The following RIGI variants were observed in gnomAD, a reference collection of about 807,000 sequenced individuals.
RIGI encodes the protein RNA sensor RIG-I, also known as antiviral innate immune response receptor RIG-I.
At chr9:32,506,939 A>C in the RIGI span, among the ~76,000 whole-genome samples, 1 of 152,228 alleles carries the variant, frequency 6.6e-6, no homozygotes. Context: ...CTTAAAATAT[A>C]TAATATGTTG....
the RIGI span, among the ~76,000 whole-genome samples, chr9:32,511,418 A>T: frequency 6.6e-6 from 1 of 152,370 alleles, no homozygotes; most frequent in South Asian, 2.1e-4. Context: ...AGAACTGAGG[A>T]TTAAGAAACT....
the RIGI span, among the ~76,000 whole-genome samples, chr9:32,512,811 C>T: frequency 6.6e-6 from 1 of 151,988 alleles, no homozygotes; most frequent in Non-Finnish European, 1.5e-5. Flanking sequence ...GATTGTATAT[C>T]TAGAAAACCC....
At chr9:32,494,197 A>C in the RIGI span, among the ~76,000 whole-genome samples, 1 of 152,170 alleles carries the variant, frequency 6.6e-6, no homozygotes, top group African/African-American at 2.4e-5. Context: ...TTACATTTTG[A>C]TCTTAGTATA....
the RIGI span, among the ~76,000 whole-genome samples, chr9:32,525,493 A>T: frequency 1.9e-3 from 292 of 152,322 alleles, no homozygotes; most frequent in Non-Finnish European, 3.2e-3. Flanking sequence ...ACCCAGGATC[A>T]CCTGTCTCCG....
the RIGI span, among the ~76,000 whole-genome samples, chr9:32,470,021 T>C: frequency 6.6e-6 from 1 of 152,196 alleles, no homozygotes; most frequent in African/African-American, 2.4e-5. Context: ...GTCATGAAAA[T>C]TCAAATGCAG....
At chr9:32,491,439 G>T in the RIGI span, 2 of 1,577,886 alleles carry the variant, frequency 1.3e-6, no homozygotes, top group African/African-American at 1.4e-5. Context: ...GACCAAAAAA[G>T]TCTTAGAATC....
chr9:32,458,258 G>A, the RIGI span, among the ~76,000 whole-genome samples: 1 of 152,134 alleles, frequency 6.6e-6, no homozygotes, highest in Admixed American at 6.5e-5. Context: ...ATATAAGGCT[G>A]CAATAGAAGG....
the RIGI span, chr9:32,457,309 C>T: frequency 1.9e-6 from 3 of 1,614,084 alleles, no homozygotes; most frequent in Admixed American, 1.7e-5. Flanking sequence ...CTGTCGGGCA[C>T]AGAATATCTT....
chr9:32,511,468 G>T, the RIGI span, among the ~76,000 whole-genome samples: 1 of 152,122 alleles, frequency 6.6e-6, no homozygotes, highest in East Asian at 1.9e-4. Flanking sequence ...TGAACAACCT[G>T]CTCCTGAATG....
the RIGI span, among the ~76,000 whole-genome samples, chr9:32,461,152 T>C: frequency 2.0e-5 from 3 of 152,008 alleles, no homozygotes; most frequent in Non-Finnish European, 4.4e-5. Flanking sequence ...ACAATATTTT[T>C]TAAACGCTGA....
chr9:32,482,164 A>C, the RIGI span, among the ~76,000 whole-genome samples: 1,348 of 151,322 alleles, frequency 8.9e-3, 12 homozygotes, highest in Non-Finnish European at 0.015. Context: ...CTTGAGTTTT[A>C]AGCAGTGCAT....
At chr9:32,465,735 G>A in the RIGI span, among the ~76,000 whole-genome samples, 1 of 152,184 alleles carries the variant, frequency 6.6e-6, no homozygotes, top group South Asian at 2.1e-4. Context: ...CAGAGATTCT[G>A]AGATGAAAAT....
chr9:32,487,817 T>A, the RIGI span: 1 of 1,309,430 alleles, frequency 7.6e-7, no homozygotes, highest in South Asian at 1.4e-5. Flanking sequence ...GAAACAAAAT[T>A]CATAATGAGT....
chr9:32,515,317 CAAA>C, the RIGI span, among the ~76,000 whole-genome samples: 1 of 111,260 alleles, frequency 9.0e-6, no homozygotes, highest in Non-Finnish European at 1.8e-5. Context: ...GACTCTGTCT[CAAA>C]AAAAAAAAAA....
chr9:32,509,893 A>G, the RIGI span, among the ~76,000 whole-genome samples: 1 of 152,136 alleles, frequency 6.6e-6, no homozygotes, highest in East Asian at 1.9e-4. Context: ...AAGGACCTGA[A>G]TGACCTGATG....
chr9:32,488,905 A>T, the RIGI span: 1 of 1,582,516 alleles, frequency 6.3e-7, no homozygotes, highest in East Asian at 2.3e-5. Context: ...CATGTAAGGA[A>T]AAAAGAAAAC....
the RIGI span, among the ~76,000 whole-genome samples, chr9:32,503,186 C>G: frequency 1.3e-5 from 2 of 152,066 alleles, no homozygotes; most frequent in African/African-American, 4.8e-5. Flanking sequence ...TTTCAACATG[C>G]TAACAGCCAT....
the RIGI span, among the ~76,000 whole-genome samples, chr9:32,465,509 G>A: frequency 4.6e-5 from 7 of 152,156 alleles, no homozygotes; most frequent in Non-Finnish European, 8.8e-5. Context: ...TTTTATGCCA[G>A]GCGCTAAGAG....
At chr9:32,485,175 C>T in the RIGI span, 28 of 1,591,648 alleles carry the variant, frequency 1.8e-5, no homozygotes, top group African/African-American at 1.2e-4. Flanking sequence ...TTTATCTCAC[C>T]GAGGTCTTTG....
Sources: gnomAD v4.1 joint callset for allele counts (sites outside exome capture counted in the v4.1 genomes callset) on GRCh38, gnomAD v4.1.1 for gene constraint, MANE v1.5 for transcripts, NCBI Gene and HGNC (gene_info 2026-07-23, HGNC 2026-07-21) for gene names.